The following RAPGEF4 variants were observed in gnomAD, a reference collection of about 807,000 sequenced individuals.
RAPGEF4 encodes Rap guanine nucleotide exchange factor 4.
In RAPGEF4, 66 loss-of-function variants were observed where a neutral mutation model predicts 147.9. That is an observed-to-expected ratio of 0.45 (90% CI 0.37 to 0.55). The LOEUF (loss-of-function observed/expected upper bound fraction) is 0.55. RAPGEF4 is among the 20% of genes least tolerant of loss of function. The pLI is 0.00. For missense variants in RAPGEF4, 1,071 were observed against 1,257.3 expected, an observed-to-expected ratio of 0.85 and a Z score of 2.24; for synonymous variants, 419 against 442.7, an observed-to-expected ratio of 0.95 and a Z score of 0.67.
chr2:172,877,389 G>A (rs1296483534), intron 4 of RAPGEF4, among the ~76,000 whole-genome samples: 2 of 152,062 alleles, frequency 1.3e-5, no homozygotes, highest in Admixed American at 1.3e-4. Context: ...CCAGGGGAGG[G>A]ATAGCATTAG....
intron 4 of RAPGEF4, among the ~76,000 whole-genome samples, chr2:172,846,315 A>G (rs1468162406): frequency 1.3e-5 from 2 of 152,212 alleles, no homozygotes; most frequent in African/African-American, 2.4e-5. Context: ...TTTTCTGGAC[A>G]TTTCATAGAA....
chr2:172,757,577 C>T (rs532656556), intron 1 of RAPGEF4, among the ~76,000 whole-genome samples: 6 of 152,274 alleles, frequency 3.9e-5, no homozygotes, highest in Admixed American at 1.3e-4. Context: ...CTTTGGATTT[C>T]GAATCCAGGT....
At chr2:172,899,094 C>A (rs1476072853) in intron 4 of RAPGEF4, among the ~76,000 whole-genome samples, 1 of 152,178 alleles carries the variant, frequency 6.6e-6, no homozygotes, top group Non-Finnish European at 1.5e-5. Flanking sequence ...TCAAGAATAT[C>A]TGTATGTTAC....
intron 4 of RAPGEF4, among the ~76,000 whole-genome samples, chr2:172,828,224 G>A (rs1209507296): frequency 4.6e-5 from 7 of 152,314 alleles, no homozygotes; most frequent in East Asian, 3.9e-4. Context: ...TAATTGCCAA[G>A]GAGAGTGAAA....
At chr2:172,754,363 G>A (rs1695569371) in intron 1 of RAPGEF4, among the ~76,000 whole-genome samples, 1 of 152,052 alleles carries the variant, frequency 6.6e-6, no homozygotes, top group African/African-American at 2.4e-5. Flanking sequence ...GATTGTTGCT[G>A]TTATAAATAA....
At chr2:172,930,087 G>C (rs1175227175) in intron 6 of RAPGEF4, among the ~76,000 whole-genome samples, 1 of 152,128 alleles carries the variant, frequency 6.6e-6, no homozygotes. Context: ...AGAAGGGAAA[G>C]GGTTCAAAGT....
chr2:172,998,084 T>C (rs1693547232), intron 16 of RAPGEF4, among the ~76,000 whole-genome samples: 1 of 152,170 alleles, frequency 6.6e-6, no homozygotes, highest in African/African-American at 2.4e-5. Flanking sequence ...AAGGAATCAT[T>C]CTCCTGCCTT....
intron 1 of RAPGEF4, among the ~76,000 whole-genome samples, chr2:172,743,457 C>T (rs914582984): frequency 2.6e-5 from 4 of 152,174 alleles, no homozygotes; most frequent in Non-Finnish European, 5.9e-5. Context: ...CTATCTGTTT[C>T]CTTTGCTGTA....
rs1692136182 is a variant in RAPGEF4, at chr2:172,985,356, CCCCAGAAAGAGTACAA to C, written c.1090-73_1090-58del. ...AGCCCCGGGACAGTTTGCATTGTGC[CCCCAGAAAGAGTACAA>C]CCCTTTTCCACCCAGACCTGGAAAT... On this transcript the variant is annotated intron_variant, in intron 11 of 30. Transcript: ENST00000397081. 5 of 1,602,916 alleles carry C rather than the reference CCCCAGAAAGAGTACAA, an allele frequency of 3.1e-6. No homozygotes were observed. The East Asian group carries it at 1.1e-4, about 36-fold the overall frequency.
chr2:172,748,539 A>G (rs1694979819), intron 1 of RAPGEF4, among the ~76,000 whole-genome samples: 1 of 152,080 alleles, frequency 6.6e-6, no homozygotes, highest in Non-Finnish European at 1.5e-5. Context: ...AGCTGCCCCC[A>G]TGATTCAGTT....
At chr2:172,738,676 T>C (rs1430469678) in intron 1 of RAPGEF4, among the ~76,000 whole-genome samples, 2 of 152,182 alleles carry the variant, frequency 1.3e-5, no homozygotes, top group Non-Finnish European at 2.9e-5. Context: ...TTTTCAACCC[T>C]GCACAAAAGA....
At chr2:172,779,629 C>T (rs1336182917) in intron 1 of RAPGEF4, among the ~76,000 whole-genome samples, 1 of 152,072 alleles carries the variant, frequency 6.6e-6, no homozygotes, top group Non-Finnish European at 1.5e-5. Flanking sequence ...AACAGGGAGC[C>T]ACTGGAGAGT....
intron 4 of RAPGEF4, among the ~76,000 whole-genome samples, chr2:172,890,186 A>C (rs2676520): frequency 6.6e-6 from 1 of 152,052 alleles, no homozygotes; most frequent in Non-Finnish European, 1.5e-5. Context: ...ATTTTGTCTG[A>C]GGAAGACTGA....
chr2:172,739,591 G>A (rs953181764), intron 1 of RAPGEF4, among the ~76,000 whole-genome samples: 1 of 152,092 alleles, frequency 6.6e-6, no homozygotes, highest in African/African-American at 2.4e-5. Flanking sequence ...GGCTGGTCTT[G>A]GACTCCTGAC....
At chr2:172,911,545 A>T (rs1194590153) in intron 4 of RAPGEF4, among the ~76,000 whole-genome samples, 2 of 151,164 alleles carry the variant, frequency 1.3e-5, no homozygotes, top group Admixed American at 6.6e-5. Context: ...TGTAACCTCC[A>T]CCTCCCGGGT....
intron 12 of RAPGEF4, among the ~76,000 whole-genome samples, chr2:172,987,125 G>T (rs187796176): frequency 6.6e-6 from 1 of 152,024 alleles, no homozygotes; most frequent in Non-Finnish European, 1.5e-5. Context: ...TCAGCCTGGG[G>T]AACATGGCGA....
At chr2:172,736,586 A>T (rs1485883855) in intron 1 of RAPGEF4, among the ~76,000 whole-genome samples, 2 of 152,214 alleles carry the variant, frequency 1.3e-5, no homozygotes, top group Non-Finnish European at 2.9e-5. Flanking sequence ...GGTCTGTGTT[A>T]GAGAAGGTCA....
At chr2:172,853,395 C>G (rs1693075691) in intron 4 of RAPGEF4, among the ~76,000 whole-genome samples, 2 of 151,922 alleles carry the variant, frequency 1.3e-5, no homozygotes, top group South Asian at 4.1e-4. Context: ...TCTGTTTTAT[C>G]TAAGCATTCA....
At chr2:172,850,280 A>AT (rs1371290369) in intron 4 of RAPGEF4, among the ~76,000 whole-genome samples, 2 of 152,052 alleles carry the variant, frequency 1.3e-5, no homozygotes, top group African/African-American at 4.8e-5. Flanking sequence ...TTAAATGTCA[A>AT]TTTTTTTGCT....
Sources: gnomAD v4.1 joint callset for allele counts (sites outside exome capture counted in the v4.1 genomes callset) on GRCh38, gnomAD v4.1.1 for gene constraint, MANE v1.5 for transcripts, NCBI Gene and HGNC (gene_info 2026-07-23, HGNC 2026-07-21) for gene names.